Variants in OCRL observed in about 807,000 individuals in gnomAD.
OCRL encodes the protein inositol polyphosphate 5-phosphatase OCRL.
OCRL carries 8 observed loss-of-function variants against 78.9 expected under a neutral mutation model. The ratio of observed to expected loss-of-function variants is 0.10; its 90% CI spans 0.06 to 0.18. The LOEUF (loss-of-function observed/expected upper bound fraction) is 0.18. Among genes scored for constraint, OCRL ranks in the 10% least tolerant of loss-of-function variants. OCRL has a pLI of 1.00. For synonymous variants in OCRL, 240 were observed against 235.4 expected (o/e 1.02, Z -0.18); for missense variants, 454 against 696.7 (o/e 0.65, Z 3.92).
chrX:129,566,954 C>G (rs1205463505), intron 13 of OCRL, among the ~76,000 whole-genome samples: 2 of 112,096 alleles, frequency 1.8e-5, no homozygotes, highest in Non-Finnish European at 3.8e-5. Flanking sequence ...TTCTGCCCAG[C>G]TCCAAGGAAC....
chrX:129,569,511 C>T, intron 15 of OCRL, 112 bp downstream of exon 15: 1 of 863,290 alleles, frequency 1.2e-6, no homozygotes, highest in Non-Finnish European at 1.7e-6. Context: ...GTTCCATAAC[C>T]AAATAACCAT....
intron 20 of OCRL, among the ~76,000 whole-genome samples, chrX:129,587,921 C>T (rs973077886): frequency 9.0e-6 from 1 of 111,223 alleles, no homozygotes; most frequent in Non-Finnish European, 1.9e-5. Flanking sequence ...GTTTCCTGCT[C>T]TAGCCATCTA....
intron 1 of OCRL, 91 bp from the exon 2 acceptor site, chrX:129,540,653 G>GC (rs1643540607): frequency 7.4e-6 from 5 of 679,681 alleles, no homozygotes; most frequent in Non-Finnish European, 1.1e-5. Context: ...GAGGGCGGCG[G>GC]TGGGGGGGGG....
chrX:129,548,612 T>C lies in OCRL; in HGVS notation c.238+11T>C. The C allele has an allele frequency of 8.5e-7, 1 of 1,180,663 alleles. No homozygotes were observed. Among genetic ancestry groups the C allele is most frequent in the Non-Finnish European group, 1.2e-6 (1 of 867,517 alleles). ...ACATAGCTTCTAACAGTGAGTATCT[T>C]TCTGAATGTGCTTGATTTTTACTCA... On this transcript the variant is annotated intron_variant, in intron 4 of 23. Transcript: ENST00000371113.
intron 4 of OCRL, among the ~76,000 whole-genome samples, chrX:129,554,854 A>T (rs1414991791): frequency 1.8e-5 from 2 of 109,178 alleles, no homozygotes; most frequent in Admixed American, 2.0e-4. Flanking sequence ...CAGGAAGCTG[A>T]GGCAGGAGAA....
chrX:129,575,258 A>G lies in OCRL; in HGVS notation c.1713+8A>G. On this transcript the variant is annotated splice_region_variant and intron_variant, in intron 16 of 23. Transcript: ENST00000371113. ...GAACTCAGCAGGAGGGAGGTGAGCAAAAATACATGATCTCCCTGTCTACTG... is the reference window on the plus strand; with the variant it reads ...GAACTCAGCAGGAGGGAGGTGAGCAGAAATACATGATCTCCCTGTCTACTG... 2 of 1,065,287 alleles carry G rather than the reference A, an allele frequency of 1.9e-6. No individual in the cohort carries two copies. Among genetic ancestry groups the G allele is most frequent in the East Asian group, 6.0e-5 (2 of 33,234 alleles). The allele number at this position is 1,065,287 out of a possible 1,213,427, so 87.8% of individuals were successfully genotyped here.
At chrX:129,552,943 C>T (rs1422528525) in intron 4 of OCRL, among the ~76,000 whole-genome samples, 1 of 112,422 alleles carries the variant, frequency 8.9e-6, no homozygotes, top group African/African-American at 3.2e-5. Context: ...GAAATTCAGT[C>T]CCTCAGTTGC....
At chrX:129,581,678 CCTTTAATATATATA>C (rs1178523910) in intron 18 of OCRL, among the ~76,000 whole-genome samples, 2 of 101,904 alleles carry the variant, frequency 2.0e-5, no homozygotes, top group Admixed American at 1.1e-4. Context: ...ATATATATAT[CCTTTAATATATATA>C]CTTAGAAATT....
chrX:129,591,227 A>G lies in OCRL; in HGVS notation c.*957A>G, dbSNP rs1017124307. The G allele has an allele frequency of 3.5e-5, 4 of 113,693 alleles. No individual in the cohort carries two copies. The highest frequency in any genetic ancestry group is 7.5e-5 in the Non-Finnish European group (4 of 53,279). 9.4% of individuals were successfully genotyped at this position (113,693 alleles called of 1,213,427 possible). On this transcript the variant is annotated 3_prime_UTR_variant, in exon 24 of 24. Transcript: ENST00000371113. ...AGAGCTATTGCTCCTTCCCACAGCA[A>G]AGGTATTGTGGATGACCCTTAGAAT...
At chrX:129,550,283 A>G (rs1935941475) in intron 4 of OCRL, among the ~76,000 whole-genome samples, 1 of 112,181 alleles carries the variant, frequency 8.9e-6, no homozygotes, top group Admixed American at 9.4e-5. Context: ...TCCAGTCTTT[A>G]TATTTTTACA....
intron 12 of OCRL, among the ~76,000 whole-genome samples, chrX:129,564,202 A>AT (rs1936182512): frequency 9.0e-6 from 1 of 111,144 alleles, no homozygotes; most frequent in Admixed American, 9.5e-5. Flanking sequence ...AATGGCAATC[A>AT]TTAAAAAGTC....
At chrX:129,550,106 G>A (rs1000570087) in intron 4 of OCRL, among the ~76,000 whole-genome samples, 3 of 112,241 alleles carry the variant, frequency 2.7e-5, no homozygotes, top group Admixed American at 9.5e-5. Context: ...TTTTCCCATT[G>A]TCTGGATATT....
intron 14 of OCRL, among the ~76,000 whole-genome samples, chrX:129,569,044 C>T (rs1235932190): frequency 8.9e-6 from 1 of 112,105 alleles, no homozygotes; most frequent in African/African-American, 3.2e-5. Context: ...CACCAGATAC[C>T]ATGCTAGGTT....
chrX:129,559,250 G>A (rs1209971201), intron 8 of OCRL, among the ~76,000 whole-genome samples: 1 of 111,305 alleles, frequency 9.0e-6, no homozygotes. Context: ...CACCCAGGCT[G>A]GAGAGCAGAT....
At position 129,540,320 on chromosome X, in the gene OCRL, C is replaced by T. The variant is rs1287516134; in HGVS notation, c.-120C>T. The T allele has an allele frequency of 3.6e-6, 3 of 822,196 alleles. No individual in the cohort carries two copies. The highest frequency in any genetic ancestry group is 3.5e-6 in the Non-Finnish European group (2 of 575,553). The allele number at this position is 822,196 out of a possible 1,213,427, so 67.8% of individuals were successfully genotyped here. The stretch of plus-strand genomic sequence containing the variant: ...CTCCCGGCTCCCGGCGCCCGGCGCC[C>T]GGCGCGGAGCTGTTCCTCAAACGAC... On this transcript the variant is annotated 5_prime_UTR_variant, in exon 1 of 24. Transcript: ENST00000371113.
chrX:129,588,857 C>T, intron 21 of OCRL, 29 bp from the exon 22 acceptor site: 1 of 1,210,390 alleles, frequency 8.3e-7, no homozygotes, highest in Non-Finnish European at 1.1e-6. Flanking sequence ...TCTCCTGGAG[C>T]TCCTTTCCCT....
chrX:129,590,349 C>T lies in OCRL; in HGVS notation c.*79C>T. On this transcript the variant is annotated 3_prime_UTR_variant, in exon 24 of 24. Transcript: ENST00000371113. The stretch of plus-strand genomic sequence containing the variant: ...TTTCAGAATGATTTAAAAAGTCATG[C>T]CACAGGAAGGGTCTATTGCAGAATT... 8.9e-7 allele frequency: 1 copy of T among 1,127,778 alleles called. No homozygotes were observed. Among genetic ancestry groups the T allele is most frequent in the East Asian group, 3.0e-5 (1 of 33,515 alleles). The allele number at this position is 1,127,778 out of a possible 1,213,427, so 92.9% of individuals were successfully genotyped here.
chrX:129,572,430 A>G (rs1334371514), intron 15 of OCRL, among the ~76,000 whole-genome samples: 1 of 112,331 alleles, frequency 8.9e-6, no homozygotes, highest in Non-Finnish European at 1.9e-5. Context: ...ATTATCTTTG[A>G]TTTGCCATTA....
intron 18 of OCRL, among the ~76,000 whole-genome samples, chrX:129,582,319 T>G (rs755971274): frequency 8.9e-6 from 1 of 112,174 alleles, no homozygotes; most frequent in African/African-American, 3.2e-5. Flanking sequence ...TCACCCCAAC[T>G]CAGTTGCAAA....
Sources: gnomAD v4.1 joint callset for allele counts (sites outside exome capture counted in the v4.1 genomes callset) on GRCh38, gnomAD v4.1.1 for gene constraint, MANE v1.5 for transcripts, NCBI Gene and HGNC (gene_info 2026-07-23, HGNC 2026-07-21) for gene names.